CRTC3: variants seen among roughly 807,000 people sequenced by gnomAD.
CRTC3 encodes CREB regulated transcription coactivator 3.
A neutral mutation model predicts 74.5 loss-of-function variants in CRTC3; 26 were observed. That is an observed-to-expected ratio of 0.35 (90% CI 0.26 to 0.48). The LOEUF is 0.48. Ranked by LOEUF, CRTC3 falls within the 20% of genes least tolerant of loss-of-function variation. CRTC3 has a pLI of 0.99. For synonymous variants in CRTC3, 377 were observed against 325.8 expected, an observed-to-expected ratio of 1.16 and a Z score of -1.69; for missense variants, 760 against 787.3, an observed-to-expected ratio of 0.97 and a Z score of 0.41.
At chr15:90,612,743 G>T (rs1968394533) in intron 6 of CRTC3, among the ~76,000 whole-genome samples, 1 of 152,150 alleles carries the variant, frequency 6.6e-6, no homozygotes, top group Non-Finnish European at 1.5e-5. Flanking sequence ...CGCAACTCCT[G>T]TCCTTTTGAC....
chr15:90,600,186 T>G (rs1968030805), intron 3 of CRTC3: 2 of 152,246 alleles, frequency 1.3e-5, no homozygotes, highest in Admixed American at 1.3e-4. Context: ...ATAATGAGAC[T>G]TGTCAAAGAA....
chr15:90,620,962 G>T (rs1968630099), intron 9 of CRTC3, among the ~76,000 whole-genome samples: 1 of 152,052 alleles, frequency 6.6e-6, no homozygotes, highest in Non-Finnish European at 1.5e-5. Flanking sequence ...CAGGTTAAAC[G>T]TAAACTCAGG....
chr15:90,642,698 T>TA lies in CRTC3; in HGVS notation c.*559dup, dbSNP rs1969493920. On this transcript the variant is annotated 3_prime_UTR_variant, in exon 15 of 15. Coordinates refer to ENST00000268184, the MANE Select transcript of CRTC3 (RefSeq NM_022769.5). ...CGCCTGGATTACGACATGAAGTTTT[T>TA]ACCACAAGCCCGAGGGCAGGCTTGA... 4.3e-6 allele frequency: 1 copy of TA among 231,794 alleles called. No homozygotes were observed. Among genetic ancestry groups the TA allele is most frequent in the Non-Finnish European group, 8.5e-6 (1 of 117,104 alleles). The allele number at this position is 231,794 out of a possible 1,614,324, so 14.4% of individuals were successfully genotyped here.
At chr15:90,593,511 C>T (rs976068426) in intron 2 of CRTC3, 125 bp from the exon 3 acceptor site, 1 of 1,028,760 alleles carries the variant, frequency 9.7e-7, no homozygotes, top group African/African-American at 1.6e-5. Context: ...GACCCAAGGC[C>T]CACTAATGTA....
intron 1 of CRTC3, among the ~76,000 whole-genome samples, chr15:90,533,411 A>G (rs1966665179): frequency 9.0e-6 from 1 of 111,336 alleles, no homozygotes; most frequent in Non-Finnish European, 1.9e-5. Flanking sequence ...ACAGAGCGAG[A>G]CTCCGCCTAG....
chr15:90,542,618 A>G (rs1966821680), intron 2 of CRTC3, among the ~76,000 whole-genome samples: 1 of 152,246 alleles, frequency 6.6e-6, no homozygotes, highest in Non-Finnish European at 1.5e-5. Flanking sequence ...GAAAATTAAC[A>G]GTGATCCATT....
chr15:90,590,746 A>G (rs1196128190), intron 2 of CRTC3, among the ~76,000 whole-genome samples: 1 of 152,216 alleles, frequency 6.6e-6, no homozygotes, highest in Non-Finnish European at 1.5e-5. Context: ...GAAGTAATTG[A>G]GAAGGTTAAG....
intron 1 of CRTC3, among the ~76,000 whole-genome samples, chr15:90,536,025 T>A (rs905799539): frequency 1.3e-5 from 2 of 152,250 alleles, no homozygotes; most frequent in Non-Finnish European, 2.9e-5. Flanking sequence ...AAGGTATCAG[T>A]ATCATTTGTT....
Position 90,642,958 on chromosome 15 carries a change from C to G in CRTC3, c.*818C>G. The G allele has an allele frequency of 4.3e-6, 1 of 232,942 alleles. No homozygotes were observed. The highest frequency in any genetic ancestry group is 6.1e-5 in the East Asian group (1 of 16,498). The allele number at this position is 232,942 out of a possible 1,614,324, so 14.4% of individuals were successfully genotyped here. On this transcript the variant is annotated 3_prime_UTR_variant, in exon 15 of 15. Coordinates refer to ENST00000268184, the MANE Select transcript of CRTC3 (RefSeq NM_022769.5). ...CAGTGGCCTCCAGACAAACTCCAGA[C>G]AAGCACAGACCTCCCCACTAAGAGC... is the stretch of plus-strand genomic sequence containing the variant.
chr15:90,598,189 G>T, intron 3 of CRTC3: 1 of 499,358 alleles, frequency 2.0e-6, no homozygotes, highest in African/African-American at 1.9e-5. Context: ...GCCCCGACAA[G>T]GCAGTTCCTG....
chr15:90,634,741 G>A, intron 11 of CRTC3: 1 of 869,480 alleles, frequency 1.2e-6, no homozygotes, highest in Non-Finnish European at 1.9e-6. Flanking sequence ...GGACAAGCGT[G>A]TAGAAAGTTT....
intron 2 of CRTC3, among the ~76,000 whole-genome samples, chr15:90,582,781 G>A (rs984750696): frequency 2.0e-5 from 3 of 152,142 alleles, no homozygotes; most frequent in Non-Finnish European, 2.9e-5. Flanking sequence ...CAGCAAACAC[G>A]TGTTGGAGCC....
chr15:90,615,359 A>G (rs528808952), intron 7 of CRTC3, among the ~76,000 whole-genome samples: 1 of 152,308 alleles, frequency 6.6e-6, no homozygotes, highest in East Asian at 1.9e-4. Context: ...CTAAATCTTT[A>G]TAATCTGGAA....
intron 2 of CRTC3, among the ~76,000 whole-genome samples, chr15:90,568,016 A>G (rs1328731158): frequency 6.6e-6 from 1 of 152,230 alleles, no homozygotes; most frequent in African/African-American, 2.4e-5. Flanking sequence ...AGAGGTCACA[A>G]CCTTATCAAC....
At chr15:90,571,571 G>A (rs1028484268) in intron 2 of CRTC3, among the ~76,000 whole-genome samples, 7 of 152,200 alleles carry the variant, frequency 4.6e-5, no homozygotes, top group Middle Eastern at 6.8e-3. Context: ...GTCCTAAGGC[G>A]GTGTAAAGCT....
intron 2 of CRTC3, among the ~76,000 whole-genome samples, chr15:90,545,190 A>G (rs1295379962): frequency 6.6e-6 from 1 of 152,140 alleles, no homozygotes; most frequent in Non-Finnish European, 1.5e-5. Context: ...TTCCTTTTCA[A>G]GGCTGAGTAA....
chr15:90,613,614 A>G (rs1485572518), intron 6 of CRTC3: 1 of 152,250 alleles, frequency 6.6e-6, no homozygotes, highest in Non-Finnish European at 1.5e-5. Flanking sequence ...CAAATTGTAT[A>G]GACTAATCAG....
chr15:90,611,313 C>T (rs1259692923), intron 6 of CRTC3, among the ~76,000 whole-genome samples: 1 of 152,060 alleles, frequency 6.6e-6, no homozygotes, highest in Non-Finnish European at 1.5e-5. Flanking sequence ...GGAACATGGT[C>T]TCGGTTCCCT....
At chr15:90,610,893 C>A (rs1166886234) in intron 6 of CRTC3, among the ~76,000 whole-genome samples, 1 of 152,122 alleles carries the variant, frequency 6.6e-6, no homozygotes, top group African/African-American at 2.4e-5. Flanking sequence ...TCTCTGCATC[C>A]AGGGCTGTAG....
Sources: gnomAD v4.1 joint callset for allele counts (sites outside exome capture counted in the v4.1 genomes callset) on GRCh38, gnomAD v4.1.1 for gene constraint, MANE v1.5 for transcripts, NCBI Gene and HGNC (gene_info 2026-07-23, HGNC 2026-07-21) for gene names.